The following SLC17A7 variants were observed in gnomAD, a reference collection of about 807,000 sequenced individuals.
SLC17A7 encodes solute carrier family 17 member 7.
A neutral mutation model predicts 59.1 loss-of-function variants in SLC17A7; 15 were observed. The observed-to-expected ratio is 0.25, with a 90% CI of 0.17 to 0.39. SLC17A7 has a LOEUF of 0.39. SLC17A7 is among the 10% of genes least tolerant of loss of function. SLC17A7 has a pLI of 1.00. For missense variants in SLC17A7, 499 were observed against 765.1 expected, an observed-to-expected ratio of 0.65 and a Z score of 4.10; for synonymous variants, 353 against 308.9, an observed-to-expected ratio of 1.14 and a Z score of -1.50.
Position 49,432,499 on chromosome 19 carries a change from C to T in SLC17A7, c.1150+20G>A, listed in dbSNP as rs1213083542. ...CCACCCAGGCTGTCCTAGAGCCGGCCCAGGCCCCGCCCCACTCACCTCCGC... is the reference window on the plus strand; with the variant it reads ...CCACCCAGGCTGTCCTAGAGCCGGCTCAGGCCCCGCCCCACTCACCTCCGC... On this transcript the variant is annotated intron_variant, in intron 9 of 11. Transcript: ENST00000221485. 6.2e-7 allele frequency: 1 copy of T among 1,608,608 alleles called. No homozygotes were observed.
chr19:49,435,334 C>A (rs749373463), intron 2 of SLC17A7, 48 bp from the exon 3 acceptor site: 7 of 1,370,294 alleles, frequency 5.1e-6, no homozygotes, highest in Non-Finnish European at 7.3e-6. Flanking sequence ...CCAGGCTCTG[C>A]CGCTCCACCA....
In SLC17A7 at chr19:49,432,665, T is replaced by G. The variant is rs764845971; in HGVS notation, c.1018-14A>C. The stretch of plus-strand genomic sequence containing the variant: ...CACCAGGCCTACCTGCGGGAACAGG[T>G]GTACAGGGACACTAGGGTTCGGGGC... On this transcript the variant is annotated splice_polypyrimidine_tract_variant and intron_variant, in intron 8 of 11. Coordinates refer to ENST00000221485, the MANE Select transcript of SLC17A7 (RefSeq NM_020309.4). 2 of 1,459,238 alleles carry G rather than the reference T, an allele frequency of 1.4e-6. No individual in the cohort carries two copies. Among genetic ancestry groups the G allele is most frequent in the Middle Eastern group, 1.9e-4 (1 of 5,262 alleles). The allele number at this position is 1,459,238 out of a possible 1,614,324, so 90.4% of individuals were successfully genotyped here. A position where few individuals can be genotyped will look rare whatever the true frequency, so the allele number is the denominator to read the frequency against.
intron 1 of SLC17A7, chr19:49,437,042 G>A (rs2078982566): frequency 6.7e-6 from 4 of 596,148 alleles, no homozygotes; most frequent in South Asian, 6.2e-5. Flanking sequence ...ACGGTCTTCA[G>A]TCCCCCTCTC....
rs368542371 is a variant in SLC17A7 at position 49,435,153 on chromosome 19, A to T, written c.434+15T>A. The T allele has an allele frequency of 3.2e-6, 5 of 1,582,264 alleles. No homozygotes were observed. Among genetic ancestry groups the T allele is most frequent in the South Asian group, 1.1e-5 (1 of 90,292 alleles). On this transcript the variant is annotated intron_variant, in intron 3 of 11. Coordinates refer to ENST00000221485, the MANE Select transcript of SLC17A7 (RefSeq NM_020309.4). Reference sequence around the variant, plus strand: ...AACTGTAGTTACCGCCCACTTTGAGACCCCACCACTGTACCTGTTGGCTGC... The same window carrying T: ...AACTGTAGTTACCGCCCACTTTGAGTCCCCACCACTGTACCTGTTGGCTGC...
At chr19:49,432,385 C>A in intron 9 of SLC17A7, 134 bp downstream of exon 9, 1 of 1,242,476 alleles carries the variant, frequency 8.0e-7, no homozygotes. Flanking sequence ...CTGTTGGCCA[C>A]GGCCCTTTGC....
chr19:49,431,187 C>T lies in SLC17A7; in HGVS notation c.1262-45G>A, dbSNP rs368670946. 16 of 1,590,638 alleles carry T rather than the reference C, an allele frequency of 1.0e-5. No individual in the cohort carries two copies. Among genetic ancestry groups the T allele is most frequent in the Non-Finnish European group, 1.2e-5 (14 of 1,165,892 alleles). On this transcript the variant is annotated intron_variant, in intron 10 of 11. Coordinates refer to ENST00000221485, the MANE Select transcript of SLC17A7 (RefSeq NM_020309.4). The surrounding 1 kb of genome is among the most constrained non-coding windows in gnomAD (Gnocchi z 4.6). ...GAAGGCGTCACACCGGAATCTCACT[C>T]GAGTGATTCCCACTGGGACGTTCTC...
rs1457101791 is a variant in SLC17A7 at position 49,441,415 on chromosome 19, C to A, written c.-36G>T. 2.8e-6 allele frequency: 4 copies of A among 1,445,620 alleles called. No homozygotes were observed. Among genetic ancestry groups the A allele is most frequent in the Non-Finnish European group, 3.6e-6 (4 of 1,098,530 alleles). 89.5% of individuals were successfully genotyped at this position (1,445,620 alleles called of 1,614,324 possible). ...CCTGCCGCCGGTCACCCCGCGGGTC[C>A]CCCCCGCCGATCCCCCCGCCCGCGG... is the stretch of plus-strand genomic sequence containing the variant. On this transcript the variant is annotated 5_prime_UTR_variant, in exon 1 of 12. Transcript: ENST00000221485.
At chr19:49,432,721 C>A (rs928278024) in intron 8 of SLC17A7, 70 bp from the exon 9 acceptor site, 13 of 1,605,126 alleles carry the variant, frequency 8.1e-6, no homozygotes, top group Non-Finnish European at 8.5e-7. Context: ...CCGGTCCGTG[C>A]ACCACCGGCT....
At position 49,435,438 on chromosome 19, in the gene SLC17A7, C is replaced by A. The variant is rs576092018; in HGVS notation, c.316-152G>T. The A allele has an allele frequency of 1.6e-4, 103 of 640,082 alleles. No homozygotes were observed. The East Asian group carries it at 2.6e-3, about 16-fold the overall frequency. 39.7% of individuals were successfully genotyped at this position (640,082 alleles called of 1,614,324 possible). A position where few individuals can be genotyped will look rare whatever the true frequency, so the allele number is the denominator to read the frequency against. On this transcript the variant is annotated intron_variant, in intron 2 of 11. Coordinates refer to ENST00000221485, the MANE Select transcript of SLC17A7 (RefSeq NM_020309.4). ...GCCAATCAAAGCTCACACTATCTTTCTGTCAATTAAAGTCTACAAACTCCG... is the reference window on the plus strand; with the variant it reads ...GCCAATCAAAGCTCACACTATCTTTATGTCAATTAAAGTCTACAAACTCCG...
chr19:49,432,672 G>GA (rs763226791), intron 8 of SLC17A7, 21 bp from the exon 9 acceptor site: 2 of 1,609,370 alleles, frequency 1.2e-6, no homozygotes, highest in South Asian at 1.1e-5. Flanking sequence ...AGGTGTACAG[G>GA]GACACTAGGG....
chr19:49,434,553 C>T, intron 5 of SLC17A7, 49 bp downstream of exon 5: 1 of 1,557,288 alleles, frequency 6.4e-7, no homozygotes, highest in Non-Finnish European at 8.7e-7. Flanking sequence ...GTCCAGGCCC[C>T]AACCCCTCCT....
intron 2 of SLC17A7, chr19:49,435,624 AC>A (rs2078977104): frequency 4.7e-6 from 1 of 210,918 alleles, no homozygotes; most frequent in Non-Finnish European, 9.5e-6. Flanking sequence ...TTGCGGAGTG[AC>A]CTGCACAGGG....
In SLC17A7 at chr19:49,431,877, G is replaced by T. The variant is rs1397907908; in HGVS notation, c.1151-429C>A. ...TGGTCTCAAACTCCTGAGCTCAAGTGATCCACCGGCCTTCGCCTCCGAAAG... is the reference window on the plus strand; with the variant it reads ...TGGTCTCAAACTCCTGAGCTCAAGTTATCCACCGGCCTTCGCCTCCGAAAG... On this transcript the variant is annotated intron_variant, in intron 9 of 11. Transcript: ENST00000221485. This position sits in a 1 kb window ranked among gnomAD's most constrained non-coding sequence, Gnocchi z 4.6. Among the ~76,000 whole-genome samples the T allele has an allele frequency of 6.6e-6, 1 of 152,052 alleles. No individual in the cohort carries two copies. The highest frequency in any genetic ancestry group is 1.9e-4 in the East Asian group (1 of 5,182).
Position 49,432,817 on chromosome 19 carries a change from G to A in SLC17A7, c.1011C>T (p.Ile337=). 1 of 1,589,376 alleles carries A rather than the reference G, an allele frequency of 6.3e-7. No individual in the cohort carries two copies. Among genetic ancestry groups the A allele is most frequent in the Non-Finnish European group, 8.6e-7 (1 of 1,167,612 alleles). The change falls in exon 8 of 12, where the codon ATC becomes ATT. Residue 337 remains isoleucine (I), a synonymous_variant. Transcript: ENST00000221485. ...CTCTCCTCCTGGGCTCTACCTTGCT[G>A]ATCTCGAAGCCGAACACTTCTTCGA... ...AYFEEVFGFE[I]SKVGLVSALP...
intron 5 of SLC17A7, 115 bp downstream of exon 5, chr19:49,434,487 C>T: frequency 2.9e-6 from 3 of 1,023,600 alleles, no homozygotes; most frequent in Non-Finnish European, 4.2e-6. Context: ...GTCTCCTCCT[C>T]CTCCCTCAGA....
At position 49,435,321 on chromosome 19, in the gene SLC17A7, T is replaced by C. The variant is rs765403401; in HGVS notation, c.316-35A>G. ...AAAATGTACATTAAATCAGCCGCCC[T>C]GTCCAGGCTCTGCCGCTCCACCAAT... On this transcript the variant is annotated intron_variant, in intron 2 of 11. Transcript: ENST00000221485. The C allele has an allele frequency of 4.0e-6, 6 of 1,503,434 alleles. No homozygotes were observed. The African/African-American group carries it at 5.5e-5, about 14-fold the overall frequency. 93.1% of individuals were successfully genotyped at this position (1,503,434 alleles called of 1,614,324 possible).
chr19:49,439,748 T>C (rs2078992789), intron 1 of SLC17A7, among the ~76,000 whole-genome samples: 1 of 152,228 alleles, frequency 6.6e-6, no homozygotes, highest in East Asian at 1.9e-4. Context: ...TCCCTGCTGA[T>C]GGTCCTGGCC....
At chr19:49,440,270 G>T (rs1365264973) in intron 1 of SLC17A7, among the ~76,000 whole-genome samples, 1 of 152,242 alleles carries the variant, frequency 6.6e-6, no homozygotes, top group African/African-American at 2.4e-5. Flanking sequence ...CAGGGTCAGG[G>T]CTGTGGGCCA....
Position 49,433,037 on chromosome 19 carries a change from T to A in SLC17A7, c.868-77A>T, listed in dbSNP as rs1315601278. ...CTCCGCGTCCCTTCAGGGACCACAG[T>A]GTAGTTCTGCAGAAACCAAAGGATC... On this transcript the variant is annotated intron_variant, in intron 7 of 11. Coordinates refer to ENST00000221485, the MANE Select transcript of SLC17A7 (RefSeq NM_020309.4). This position sits in a 1 kb window ranked among gnomAD's most constrained non-coding sequence, Gnocchi z 5.7. 1 of 1,438,376 alleles carries A rather than the reference T, an allele frequency of 7.0e-7. No individual in the cohort carries two copies. Among genetic ancestry groups the A allele is most frequent in the East Asian group, 2.4e-5 (1 of 40,956 alleles). 89.1% of individuals were successfully genotyped at this position (1,438,376 alleles called of 1,614,324 possible). A position where few individuals can be genotyped will look rare whatever the true frequency, so the allele number is the denominator to read the frequency against.
Sources: allele counts gnomAD v4.1 joint callset (sites outside exome capture counted in the v4.1 genomes callset), GRCh38; gene constraint gnomAD v4.1.1; non-coding constraint Gnocchi (gnomAD v3.1); transcripts MANE v1.5; gene names NCBI Gene and HGNC (gene_info 2026-07-23, HGNC 2026-07-21).